FANCB: variants seen among roughly 807,000 people sequenced by gnomAD.
FANCB encodes FA complementation group B, also known as Fanconi anemia group B protein.
In FANCB, 5 loss-of-function variants were observed where a neutral mutation model predicts 38.9. The ratio of observed to expected loss-of-function variants is 0.13; its 90% CI spans 0.07 to 0.27. FANCB has a LOEUF of 0.27. FANCB is among the 10% of genes least tolerant of loss of function. The pLI is 1.00. For missense variants in FANCB, 573 were observed against 602.7 expected (o/e 0.95, Z 0.52); for synonymous variants, 236 against 215.4 (o/e 1.10, Z -0.84).
At chrX:14,814,726 C>T in the FANCB span, among the ~76,000 whole-genome samples, 28 of 111,901 alleles carry the variant, frequency 2.5e-4, 1 homozygote, top group East Asian at 5.4e-3. Context: ...TTGGTGGGAA[C>T]GTAAACTAGT....
the FANCB span, among the ~76,000 whole-genome samples, chrX:14,694,730 C>T: frequency 8.9e-6 from 1 of 112,463 alleles, no homozygotes; most frequent in Non-Finnish European, 1.9e-5. Flanking sequence ...CTGTGTAAAT[C>T]CTTAGAATAC....
At chrX:14,725,553 C>T in the FANCB span, among the ~76,000 whole-genome samples, 5 of 111,683 alleles carry the variant, frequency 4.5e-5, no homozygotes, top group African/African-American at 1.6e-4. Flanking sequence ...TTTTAGGAGT[C>T]CTTTTACTTC....
the FANCB span, among the ~76,000 whole-genome samples, chrX:14,774,772 T>C: frequency 8.9e-6 from 1 of 112,183 alleles, no homozygotes. Context: ...CTCTTTATTG[T>C]CCGTAAACAA....
chrX:14,762,692 A>G, the FANCB span, among the ~76,000 whole-genome samples: 1 of 112,115 alleles, frequency 8.9e-6, no homozygotes, highest in Non-Finnish European at 1.9e-5. Flanking sequence ...TGGCTGATCC[A>G]GGAAAAGACA....
the FANCB span, among the ~76,000 whole-genome samples, chrX:14,770,405 T>A: frequency 3.7e-4 from 39 of 105,349 alleles, no homozygotes; most frequent in Admixed American, 3.1e-3. Context: ...TTCTTTGTCT[T>A]TTTTGATCTT....
chrX:14,767,371 T>G, the FANCB span, among the ~76,000 whole-genome samples: 2 of 112,098 alleles, frequency 1.8e-5, no homozygotes, highest in African/African-American at 6.5e-5. Flanking sequence ...GACTTCTTAA[T>G]AATAGCCTTT....
chrX:14,786,272 G>C, the FANCB span, among the ~76,000 whole-genome samples: 2 of 111,481 alleles, frequency 1.8e-5, no homozygotes, highest in African/African-American at 6.5e-5. Context: ...CCAGCAGATG[G>C]GGGAGGAGGG....
At chrX:14,740,893 C>T in the FANCB span, among the ~76,000 whole-genome samples, 1 of 111,278 alleles carries the variant, frequency 9.0e-6, no homozygotes, top group Non-Finnish European at 1.9e-5. Flanking sequence ...TTTTTCACAG[C>T]ATTTGACACT....
chrX:14,810,839 A>G, the FANCB span, among the ~76,000 whole-genome samples: 1 of 111,201 alleles, frequency 9.0e-6, no homozygotes, highest in Non-Finnish European at 1.9e-5. Flanking sequence ...CTCCTCAAGA[A>G]GAGCAACTCC....
chrX:14,689,691 C>T, the FANCB span, among the ~76,000 whole-genome samples: 2 of 112,106 alleles, frequency 1.8e-5, no homozygotes, highest in Admixed American at 9.4e-5. Flanking sequence ...AAGCACTTGA[C>T]AGCTATCAAA....
the FANCB span, among the ~76,000 whole-genome samples, chrX:14,783,348 T>C: frequency 9.0e-6 from 1 of 111,486 alleles, no homozygotes; most frequent in Non-Finnish European, 1.9e-5. Flanking sequence ...TAAATGGAAA[T>C]ATCTGAAACA....
At chrX:14,798,289 A>C in the FANCB span, among the ~76,000 whole-genome samples, 4 of 109,116 alleles carry the variant, frequency 3.7e-5, no homozygotes, top group Non-Finnish European at 7.7e-5. Flanking sequence ...CAGCCTCCCA[A>C]GTAGCTGGGA....
chrX:14,818,608 T>C, the FANCB span, among the ~76,000 whole-genome samples: 5 of 111,139 alleles, frequency 4.5e-5, no homozygotes. Context: ...TGGTCCAAAC[T>C]GCTCTAGAAG....
chrX:14,716,254 C>A, the FANCB span, among the ~76,000 whole-genome samples: 1 of 111,174 alleles, frequency 9.0e-6, no homozygotes, highest in African/African-American at 3.3e-5. Flanking sequence ...AGAAAATGGC[C>A]AAATGTCCTA....
the FANCB span, among the ~76,000 whole-genome samples, chrX:14,757,227 G>A: frequency 1.0e-3 from 112 of 112,029 alleles, 1 homozygote; most frequent in African/African-American, 3.4e-3. Flanking sequence ...TACATCCCAC[G>A]GAATGGAAAT....
At chrX:14,719,706 C>T in the FANCB span, among the ~76,000 whole-genome samples, 2 of 111,453 alleles carry the variant, frequency 1.8e-5, no homozygotes, top group Non-Finnish European at 3.8e-5. Context: ...GCTCTATATC[C>T]AAAGGAAAGG....
the FANCB span, among the ~76,000 whole-genome samples, chrX:14,799,432 C>A: frequency 1.2e-4 from 14 of 112,181 alleles, no homozygotes; most frequent in African/African-American, 2.6e-4. Flanking sequence ...AGATACAGAT[C>A]TGTATGTATT....
At chrX:14,807,217 A>C in the FANCB span, among the ~76,000 whole-genome samples, 1 of 112,281 alleles carries the variant, frequency 8.9e-6, no homozygotes, top group African/African-American at 3.2e-5. Flanking sequence ...TTCAGACATA[A>C]AGTGTATTTC....
At chrX:14,803,777 A>G in the FANCB span, among the ~76,000 whole-genome samples, 1 of 111,259 alleles carries the variant, frequency 9.0e-6, no homozygotes, top group Non-Finnish European at 1.9e-5. Flanking sequence ...AATTACCAAC[A>G]AATTTACAAG....
Sources: allele counts gnomAD v4.1 joint callset (sites outside exome capture counted in the v4.1 genomes callset), GRCh38; gene constraint gnomAD v4.1.1; transcripts MANE v1.5; gene names NCBI Gene and HGNC (gene_info 2026-07-23, HGNC 2026-07-21).